ACADM: variants seen among roughly 807,000 people sequenced by gnomAD.
The protein encoded by ACADM is medium-chain specific acyl-CoA dehydrogenase, mitochondrial.
In ACADM, 49 loss-of-function variants were observed where a neutral mutation model predicts 58.9. The ratio of observed to expected loss-of-function variants is 0.83; its 90% CI spans 0.66 to 1.06. The LOEUF is 1.06. ACADM is among the 50% of genes least tolerant of loss of function. ACADM has a pLI of 0.00. For missense variants in ACADM, 496 were observed against 507.0 expected (o/e 0.98, Z 0.21); for synonymous variants, 160 against 157.7 (o/e 1.01, Z -0.11).
chr1:75,757,995 C>T (rs950729778), intron 10 of ACADM, among the ~76,000 whole-genome samples: 1 of 152,150 alleles, frequency 6.6e-6, no homozygotes, highest in Non-Finnish European at 1.5e-5. Flanking sequence ...GCTAAAGCAG[C>T]TCACAGAACT....
At chr1:75,745,484 T>TA (rs1021172541) in intron 7 of ACADM, 9,165 of 240,950 alleles carry the variant, frequency 0.038, 4 homozygotes, top group South Asian at 0.071. Flanking sequence ...AGATCTTGTC[T>TA]AAAAAAAAAA....
chr1:75,728,822 TAAAA>T (rs899967056), intron 2 of ACADM, among the ~76,000 whole-genome samples: 5 of 152,210 alleles, frequency 3.3e-5, no homozygotes, highest in Non-Finnish European at 7.3e-5. Flanking sequence ...AAATACATTT[TAAAA>T]ACACTTGTTA....
intron 6 of ACADM, among the ~76,000 whole-genome samples, chr1:75,735,705 T>A (rs935758114): frequency 1.3e-5 from 2 of 151,758 alleles, no homozygotes; most frequent in Non-Finnish European, 2.9e-5. Context: ...ATACAAAAAT[T>A]AGCTGGATGT....
intron 2 of ACADM, among the ~76,000 whole-genome samples, chr1:75,729,452 T>C (rs1647110826): frequency 1.0e-5 from 1 of 96,094 alleles, no homozygotes; most frequent in African/African-American, 3.4e-5. Flanking sequence ...GAAAAGTTTC[T>C]GTGTTTTTTT....
chr1:75,733,757 A>G, intron 5 of ACADM, 129 bp downstream of exon 5: 7 of 744,384 alleles, frequency 9.4e-6, no homozygotes, highest in Admixed American at 2.2e-5. Context: ...TAGTGGGTAC[A>G]CACAGTTTTC....
intron 7 of ACADM, among the ~76,000 whole-genome samples, chr1:75,741,568 C>T (rs1647569435): frequency 6.6e-6 from 1 of 152,094 alleles, no homozygotes; most frequent in African/African-American, 2.4e-5. Flanking sequence ...TCAAGACCAG[C>T]TTGGGCAACA....
chr1:75,762,709 A>C lies in ACADM; in HGVS notation c.1212A>C (p.Ser404=). 6.2e-7 allele frequency: 1 copy of C among 1,606,826 alleles called. No homozygotes were observed. The highest frequency in any genetic ancestry group is 8.5e-7 in the Non-Finnish European group (1 of 1,173,698). ...TCTTGCAGATTTATGAAGGTACTTC[A>C]CAAATTCAAAGACTTATTGTAGCCC... ...AKIYQIYEGT[S]QIQRLIVARE... The change falls in exon 12 of 12, where the codon TCA becomes TCC. Residue 404 remains serine, a synonymous_variant. Transcript: ENST00000370841.
intron 7 of ACADM, 194 bp from the exon 8 acceptor site, chr1:75,745,612 C>T: frequency 1.6e-6 from 1 of 606,470 alleles, no homozygotes; most frequent in South Asian, 1.9e-5. Context: ...GTTATTAAGA[C>T]ATAGACCTCA....
At chr1:75,760,827 C>G in intron 10 of ACADM, among the ~76,000 whole-genome samples, 1 of 152,126 alleles carries the variant, frequency 6.6e-6, no homozygotes, top group Non-Finnish European at 1.5e-5. Flanking sequence ...TGTTCTCGAT[C>G]ATGGCACTAT....
chr1:75,761,491 G>T, intron 11 of ACADM, 121 bp downstream of exon 11: 1 of 1,056,058 alleles, frequency 9.5e-7, no homozygotes, highest in Non-Finnish European at 1.4e-6. Context: ...TGTCATATAT[G>T]GCTGTGAGCC....
At chr1:75,740,445 C>T (rs1254626586) in intron 7 of ACADM, among the ~76,000 whole-genome samples, 2 of 152,052 alleles carry the variant, frequency 1.3e-5, no homozygotes, top group African/African-American at 4.8e-5. Context: ...ATCCCTAAAA[C>T]CCTAAGGAAA....
intron 6 of ACADM, 75 bp downstream of exon 6, chr1:75,734,946 T>G: frequency 9.2e-7 from 1 of 1,082,798 alleles, no homozygotes; most frequent in Non-Finnish European, 1.4e-6. Context: ...TTTCAGTCTA[T>G]ATGTATATAT....
intron 8 of ACADM, among the ~76,000 whole-genome samples, chr1:75,748,071 C>T (rs1160256773): frequency 6.6e-6 from 1 of 152,174 alleles, no homozygotes; most frequent in African/African-American, 2.4e-5. Context: ...TTCCATTGCT[C>T]CTGTTTCTTA....
In ACADM at chr1:75,740,048, A is replaced by G; in HGVS notation, c.537A>G (p.Lys179=). 1 of 1,612,834 alleles carries G rather than the reference A, an allele frequency of 6.2e-7. No homozygotes were observed. Among genetic ancestry groups the G allele is most frequent in the Non-Finnish European group, 8.5e-7 (1 of 1,179,034 alleles). The change falls in exon 7 of 12, where the codon AAA becomes AAG. Residue 179 remains lysine, a synonymous_variant. Transcript: ENST00000370841. The part of the protein sequence containing the change: ...VAGIKTKAEK[K]GDEYIINGQK... ...GTATAAAGACCAAAGCAGAAAAGAA[A>G]GGAGATGAGTATATTATTAATGGTC... is the stretch of plus-strand genomic sequence containing the variant.
chr1:75,732,860 TC>T lies in ACADM; in HGVS notation c.229del (p.Leu77Ter). 6.2e-7 allele frequency: 1 copy of T among 1,613,156 alleles called. No individual in the cohort carries two copies. On this transcript the variant is annotated frameshift_variant, in exon 4 of 12. Transcript: ENST00000370841. LOFTEE classifies it high-confidence loss of function. ...CAGTTCTTTTTCTTCTAGTATCCAG[TC>T]CCCCTAATTAGAAGAGCCTGGGAAC... The part of the protein sequence containing the change: ...AEYDKTGEYP[V>X]PLIRRAWELG...
intron 5 of ACADM, among the ~76,000 whole-genome samples, chr1:75,734,312 C>T (rs546776949): frequency 1.1e-4 from 17 of 150,398 alleles, no homozygotes; most frequent in East Asian, 2.0e-4. Context: ...TACAGGCGCC[C>T]GCCACCATGC....
Position 75,733,567 on chromosome 1 carries a change from G to C in ACADM, c.326G>C (p.Ser109Thr), listed in dbSNP as rs374025767. Residue 109 changes from serine to threonine, a missense_variant, in exon 5 of 12, where the codon AGT becomes ACT. Ser to Thr is a moderately conservative substitution (Grantham distance 58). Transcript: ENST00000370841. ...GLGTFDACLI[S>T]EELAYGCTGV... ...GGAACTTTTGATGCTTGTTTAATTAGTGAAGAATTGGCTTATGGATGTACA... is the reference window on the plus strand; with the variant it reads ...GGAACTTTTGATGCTTGTTTAATTACTGAAGAATTGGCTTATGGATGTACA... The C allele has an allele frequency of 4.3e-6, 7 of 1,613,972 alleles. No individual in the cohort carries two copies. The African/African-American group carries it at 9.3e-5, about 22-fold the overall frequency.
rs537781075 is a variant in ACADM, at chr1:75,731,409, T to C, written c.119-1235T>C. On this transcript the variant is annotated intron_variant, in intron 2 of 11. Coordinates refer to ENST00000370841, the MANE Select transcript of ACADM (RefSeq NM_000016.6). The stretch of plus-strand genomic sequence containing the variant: ...ATTACTGTAGTCTTAAACATTCCTC[T>C]GTGCATTTGCTCTCATTTTTCTTGC... 6.6e-5 allele frequency among the ~76,000 whole-genome samples: 10 copies of C among 152,302 alleles called. No individual in the cohort carries two copies. The East Asian group carries it at 1.7e-3, about 26-fold the overall frequency.
At chr1:75,759,951 G>C (rs1648733211) in intron 10 of ACADM, among the ~76,000 whole-genome samples, 1 of 151,692 alleles carries the variant, frequency 6.6e-6, no homozygotes, top group Admixed American at 6.6e-5. Context: ...GTAAGCCACT[G>C]TGCCCAGCCA....
Sources: gnomAD v4.1 joint callset for allele counts (sites outside exome capture counted in the v4.1 genomes callset) on GRCh38, gnomAD v4.1.1 for gene constraint, MANE v1.5 for transcripts, NCBI Gene and HGNC (gene_info 2026-07-23, HGNC 2026-07-21) for gene names.